Variants in PDS5B observed in about 807,000 individuals in gnomAD.
The protein encoded by PDS5B is PDS5 cohesin associated factor B, also known as sister chromatid cohesion protein PDS5 homolog B.
Under a neutral mutation model 184.1 loss-of-function variants are expected in PDS5B, and 51 were observed. That is an observed-to-expected ratio of 0.28 (90% CI 0.22 to 0.35). PDS5B has a LOEUF of 0.35. PDS5B is among the 10% of genes least tolerant of loss of function. The pLI is 1.00. For missense variants in PDS5B, 1,180 were observed against 1,723.3 expected (o/e 0.68, Z 5.58); for synonymous variants, 566 against 569.2 (o/e 0.99, Z 0.08).
rs1164768033 is a variant in PDS5B at position 32,777,068 on chromosome 13, A to AT, written c.*2017dup. 6.6e-6 allele frequency: 1 copy of AT among 152,106 alleles called. No individual in the cohort carries two copies. Among genetic ancestry groups the AT allele is most frequent in the African/African-American group, 2.4e-5 (1 of 41,440 alleles). The allele number at this position is 152,106 out of a possible 1,614,324, so 9.4% of individuals were successfully genotyped here. On this transcript the variant is annotated 3_prime_UTR_variant, in exon 35 of 35. Transcript: ENST00000315596. The stretch of plus-strand genomic sequence containing the variant: ...AAATCTATAACATAAAGAATAAGGA[A>AT]TAGCTTTGTATTTTTGTCATTGATT...
intron 11 of PDS5B, among the ~76,000 whole-genome samples, chr13:32,685,390 T>C (rs751558522): frequency 2.0e-5 from 3 of 152,192 alleles, no homozygotes; most frequent in African/African-American, 4.8e-5. Flanking sequence ...ATACCTTTTT[T>C]CTCAGCTAGA....
At chr13:32,602,372 T>C (rs965899141) in intron 1 of PDS5B, among the ~76,000 whole-genome samples, 1 of 152,184 alleles carries the variant, frequency 6.6e-6, no homozygotes, top group Non-Finnish European at 1.5e-5. Context: ...CTTGCAATAG[T>C]TTGCTCAGAA....
At chr13:32,685,217 T>G (rs1951351469) in intron 11 of PDS5B, among the ~76,000 whole-genome samples, 1 of 152,200 alleles carries the variant, frequency 6.6e-6, no homozygotes, top group Non-Finnish European at 1.5e-5. Context: ...AAGCACATGG[T>G]TTTCCCTTCA....
chr13:32,617,175 G>A (rs769678331), intron 1 of PDS5B, among the ~76,000 whole-genome samples: 4 of 152,136 alleles, frequency 2.6e-5, no homozygotes, highest in Admixed American at 6.5e-5. Flanking sequence ...AAGAATTGCC[G>A]TATCCCAATC....
intron 17 of PDS5B, among the ~76,000 whole-genome samples, chr13:32,702,598 C>T (rs1403662827): frequency 1.3e-5 from 2 of 152,048 alleles, no homozygotes; most frequent in Non-Finnish European, 2.9e-5. Context: ...TAATATTTCA[C>T]CTAAGAGGGG....
intron 23 of PDS5B, among the ~76,000 whole-genome samples, chr13:32,743,186 G>T (rs1042489777): frequency 1.3e-5 from 2 of 151,954 alleles, no homozygotes; most frequent in South Asian, 2.1e-4. Flanking sequence ...TTTGAAAGAT[G>T]TAGTAAGTAC....
intron 6 of PDS5B, among the ~76,000 whole-genome samples, chr13:32,660,379 A>T (rs1462927967): frequency 6.6e-6 from 1 of 152,200 alleles, no homozygotes; most frequent in Non-Finnish European, 1.5e-5. Context: ...GGGCAAATGA[A>T]CACCTGGCCT....
intron 1 of PDS5B, among the ~76,000 whole-genome samples, chr13:32,600,046 CTT>C (rs974346906): frequency 2.0e-5 from 3 of 152,274 alleles, no homozygotes; most frequent in African/African-American, 7.2e-5. Context: ...TTCAGAGACT[CTT>C]TTAAATGTTG....
At chr13:32,641,428 G>T (rs1010538669) in intron 1 of PDS5B, among the ~76,000 whole-genome samples, 1 of 151,742 alleles carries the variant, frequency 6.6e-6, no homozygotes, top group Non-Finnish European at 1.5e-5. Context: ...CAAATATCCT[G>T]TCAAGTTCAA....
At chr13:32,657,516 A>C (rs7999313) in intron 3 of PDS5B, among the ~76,000 whole-genome samples, 1 of 152,228 alleles carries the variant, frequency 6.6e-6, no homozygotes, top group Non-Finnish European at 1.5e-5. Context: ...TCTTTAACCA[A>C]CTGACCACAC....
intron 1 of PDS5B, among the ~76,000 whole-genome samples, chr13:32,631,372 C>A (rs1369430503): frequency 6.6e-5 from 10 of 152,122 alleles, no homozygotes; most frequent in Admixed American, 5.9e-4. Flanking sequence ...GGATTACAGG[C>A]GTGAGCCGTG....
intron 31 of PDS5B, among the ~76,000 whole-genome samples, chr13:32,764,843 C>T (rs1264007296): frequency 1.3e-5 from 2 of 152,106 alleles, no homozygotes; most frequent in Non-Finnish European, 2.9e-5. Context: ...CAGTTGCATA[C>T]TCAACTGCTT....
chr13:32,747,962 C>G (rs2140986818), intron 24 of PDS5B, among the ~76,000 whole-genome samples: 1 of 152,300 alleles, frequency 6.6e-6, no homozygotes, highest in African/African-American at 2.4e-5. Flanking sequence ...CTTCTAAGGA[C>G]TTCCTTTTCT....
chr13:32,611,797 C>T (rs949808742), intron 1 of PDS5B, among the ~76,000 whole-genome samples: 6 of 152,032 alleles, frequency 3.9e-5, no homozygotes, highest in Non-Finnish European at 5.9e-5. Flanking sequence ...GCATGAGCCA[C>T]GGTGCCTGGT....
intron 31 of PDS5B, among the ~76,000 whole-genome samples, chr13:32,766,785 G>A (rs1261198796): frequency 6.6e-6 from 1 of 152,032 alleles, no homozygotes; most frequent in African/African-American, 2.4e-5. Flanking sequence ...AATAAGTAGT[G>A]GTGCTTTAGG....
intron 1 of PDS5B, among the ~76,000 whole-genome samples, chr13:32,598,056 G>A (rs1166523599): frequency 1.3e-5 from 2 of 151,926 alleles, no homozygotes; most frequent in African/African-American, 4.8e-5. Context: ...CCAGTTTACT[G>A]GGATTTTAAT....
chr13:32,623,916 A>G (rs542316603), intron 1 of PDS5B, among the ~76,000 whole-genome samples: 3 of 151,594 alleles, frequency 2.0e-5, no homozygotes, highest in Admixed American at 6.6e-5. Context: ...GGTTCAAGTG[A>G]TTTTCCTGCC....
intron 1 of PDS5B, among the ~76,000 whole-genome samples, chr13:32,610,117 G>T (rs896597347): frequency 2.0e-5 from 3 of 152,118 alleles, no homozygotes. Flanking sequence ...GGGCATAGAT[G>T]CATATAAGCT....
intron 1 of PDS5B, among the ~76,000 whole-genome samples, chr13:32,598,872 G>A (rs550033223): frequency 5.4e-5 from 8 of 148,760 alleles, no homozygotes; most frequent in African/African-American, 1.2e-4. Flanking sequence ...CTGGGTTCAC[G>A]CCATTCTCCT....
Sources: allele counts gnomAD v4.1 joint callset (sites outside exome capture counted in the v4.1 genomes callset), GRCh38; gene constraint gnomAD v4.1.1; transcripts MANE v1.5; gene names NCBI Gene and HGNC (gene_info 2026-07-23, HGNC 2026-07-21).